The following EYS variants were observed in gnomAD, a reference collection of about 807,000 sequenced individuals.
EYS encodes the protein protein eyes shut homolog.
A neutral mutation model predicts 282.1 loss-of-function variants in EYS; 250 were observed. The observed-to-expected ratio is 0.89, with a 90% CI of 0.80 to 0.98. EYS has a LOEUF of 0.98. Among genes scored for constraint, EYS ranks in the 50% least tolerant of loss-of-function variants. EYS has a pLI of 0.00. For missense variants in EYS, 4,016 were observed against 3,709.0 expected (o/e 1.08, Z -2.15); for synonymous variants, 1,355 against 1,282.9 (o/e 1.06, Z -1.20).
chr6:64,672,844 G>A (rs1769514126), intron 22 of EYS, among the ~76,000 whole-genome samples: 1 of 152,078 alleles, frequency 6.6e-6, no homozygotes, highest in Non-Finnish European at 1.5e-5. Flanking sequence ...GTAGATAAGT[G>A]ACTCAAACTA....
intron 32 of EYS, among the ~76,000 whole-genome samples, chr6:64,080,414 T>C (rs1468640029): frequency 6.6e-6 from 1 of 152,206 alleles, no homozygotes; most frequent in Non-Finnish European, 1.5e-5. Context: ...TTGTTTGTTT[T>C]TTTTCTTGTA....
chr6:65,084,571 G>A lies in EYS; in HGVS notation c.2024-26844C>T, dbSNP rs1774313465. Among the ~76,000 whole-genome samples the A allele has an allele frequency of 2.0e-5, 3 of 152,082 alleles. No individual in the cohort carries two copies. In the South Asian group the frequency reaches 6.2e-4, roughly 32 times the overall value. ...GTCAAAACATCTTCTTCACTGTCGT[G>A]TATCCTATGGTATGCCCTTCCTATT... On this transcript the variant is annotated intron_variant, in intron 12 of 42. Transcript: ENST00000503581.
chr6:64,061,781 G>A (rs751879562), intron 33 of EYS, among the ~76,000 whole-genome samples: 8 of 152,036 alleles, frequency 5.3e-5, no homozygotes, highest in Admixed American at 2.0e-4. Context: ...CCTGAGGTCA[G>A]GAGTTCAAGA....
At chr6:65,700,058 T>G (rs1043787439) in intron 1 of EYS, among the ~76,000 whole-genome samples, 3 of 127,230 alleles carry the variant, frequency 2.4e-5, no homozygotes, top group African/African-American at 9.3e-5. Flanking sequence ...GAGCTTGCAG[T>G]GAGCGGAGAT....
intron 31 of EYS, among the ~76,000 whole-genome samples, chr6:64,197,294 T>G (rs1765321216): frequency 6.6e-6 from 1 of 152,126 alleles, no homozygotes; most frequent in African/African-American, 2.4e-5. Flanking sequence ...GCATTGAAAT[T>G]TCCAGTTTAC....
intron 13 of EYS, among the ~76,000 whole-genome samples, chr6:65,032,856 G>T (rs1772648106): frequency 6.6e-6 from 1 of 152,170 alleles, no homozygotes; most frequent in Non-Finnish European, 1.5e-5. Flanking sequence ...CTCAGAAGAA[G>T]ATGGGAAGAT....
chr6:65,124,872 A>T (rs1379056719), intron 12 of EYS, among the ~76,000 whole-genome samples: 1 of 152,188 alleles, frequency 6.6e-6, no homozygotes, highest in Admixed American at 6.5e-5. Context: ...GGTTTCTTGT[A>T]CAAAACTAGT....
At chr6:65,038,567 A>T (rs1237013001) in intron 13 of EYS, among the ~76,000 whole-genome samples, 1 of 151,450 alleles carries the variant, frequency 6.6e-6, no homozygotes, top group African/African-American at 2.4e-5. Flanking sequence ...TTTATAGAAC[A>T]ATATTTTCAT....
intron 13 of EYS, among the ~76,000 whole-genome samples, chr6:65,005,045 T>C (rs1771596141): frequency 1.4e-5 from 2 of 147,974 alleles, no homozygotes; most frequent in African/African-American, 4.9e-5. Flanking sequence ...TTTCACTCTG[T>C]TAAATCTTGC....
intron 5 of EYS, among the ~76,000 whole-genome samples, chr6:65,467,926 A>G (rs1295154301): frequency 6.6e-6 from 1 of 152,156 alleles, no homozygotes; most frequent in Non-Finnish European, 1.5e-5. Flanking sequence ...AATGTCTCCA[A>G]ACTAGAAGGG....
intron 12 of EYS, among the ~76,000 whole-genome samples, chr6:65,233,269 T>C (rs1766836578): frequency 1.3e-5 from 2 of 152,136 alleles, no homozygotes; most frequent in South Asian, 2.1e-4. Context: ...GCAAGTGGGA[T>C]ATTTTCGGTA....
intron 29 of EYS, among the ~76,000 whole-genome samples, chr6:64,312,810 C>CGTTAGTTTGT (rs1405487701): frequency 6.6e-6 from 1 of 152,172 alleles, no homozygotes; most frequent in Admixed American, 6.5e-5. Context: ...AGAAAGAAAA[C>CGTTAGTTTGT]TAACAAACAG....
At chr6:65,144,219 G>A (rs1005118089) in intron 12 of EYS, among the ~76,000 whole-genome samples, 2 of 151,978 alleles carry the variant, frequency 1.3e-5, no homozygotes, top group East Asian at 1.9e-4. Flanking sequence ...TTCACATCTT[G>A]GCTAAATATC....
chr6:63,999,841 A>G (rs1044347244), intron 33 of EYS, among the ~76,000 whole-genome samples: 1 of 152,364 alleles, frequency 6.6e-6, no homozygotes, highest in East Asian at 1.9e-4. Context: ...ATGAAAAGGT[A>G]CATATACTAA....
chr6:64,799,898 A>T (rs1259204575), intron 22 of EYS, among the ~76,000 whole-genome samples: 1 of 151,906 alleles, frequency 6.6e-6, no homozygotes, highest in South Asian at 2.1e-4. Flanking sequence ...GGAAAATACT[A>T]ATAACATTCT....
At chr6:64,202,867 A>T (rs1765505445) in intron 31 of EYS, among the ~76,000 whole-genome samples, 1 of 152,202 alleles carries the variant, frequency 6.6e-6, no homozygotes, top group Non-Finnish European at 1.5e-5. Flanking sequence ...AATAGCTGGA[A>T]AAGGCAAGGA....
intron 28 of EYS, among the ~76,000 whole-genome samples, chr6:64,406,357 C>T (rs1773707528): frequency 6.6e-6 from 1 of 152,102 alleles, no homozygotes; most frequent in African/African-American, 2.4e-5. Flanking sequence ...ACTATAAAAA[C>T]CCTAGAGGAA....
intron 12 of EYS, among the ~76,000 whole-genome samples, chr6:65,072,091 T>G (rs533448694): frequency 9.2e-5 from 14 of 151,942 alleles, no homozygotes; most frequent in Admixed American, 4.0e-4. Context: ...TCCGAAGGAT[T>G]TTGTCTGCTT....
At chr6:65,054,003 C>T (rs1291920905) in intron 13 of EYS, among the ~76,000 whole-genome samples, 2 of 151,834 alleles carry the variant, frequency 1.3e-5, no homozygotes, top group African/African-American at 4.8e-5. Flanking sequence ...AATCAGAAAA[C>T]AAAGAGTTTC....
Sources: allele counts gnomAD v4.1 joint callset (sites outside exome capture counted in the v4.1 genomes callset), GRCh38; gene constraint gnomAD v4.1.1; transcripts MANE v1.5; gene names NCBI Gene and HGNC (gene_info 2026-07-23, HGNC 2026-07-21).